The following LGSN variants were observed in gnomAD, a reference collection of about 807,000 sequenced individuals.
LGSN encodes the protein lengsin, lens protein with glutamine synthetase domain, also known as lengsin.
LGSN carries 21 observed loss-of-function variants against 19.5 expected under a neutral mutation model. The observed-to-expected ratio is 1.07, with a 90% confidence interval of 0.76 to 1.55. The LOEUF (loss-of-function observed/expected upper bound fraction) is 1.55. Ranked by LOEUF, LGSN falls within the 40% of genes most tolerant of loss-of-function variation. The pLI is 0.00. For synonymous variants in LGSN, 257 were observed against 215.6 expected, an observed-to-expected ratio of 1.19 and a Z score of -1.68; for missense variants, 673 against 608.5, an observed-to-expected ratio of 1.11 and a Z score of -1.12.
At chr6:63,412,756 AAAGAAAGAAAGAAAGG>A in the LGSN span, among the ~76,000 whole-genome samples, 21,737 of 78,132 alleles carry the variant, frequency 0.28, 3,233 homozygotes, top group South Asian at 0.36. Context: ...AGAAAGAAAG[AAAGAAAGAAAGAAAGG>A]AAGGAAGGGA....
At chr6:63,294,831 TG>T in intron 2 of LGSN, 81 bp downstream of exon 2, 1 of 1,375,440 alleles carries the variant, frequency 7.3e-7, no homozygotes, top group Non-Finnish European at 1.0e-6. Context: ...AAAAAAGAAA[TG>T]AAGATGTTTT....
the LGSN span, among the ~76,000 whole-genome samples, chr6:63,435,512 C>T: frequency 1.3e-5 from 2 of 152,120 alleles, no homozygotes; most frequent in Non-Finnish European, 2.9e-5. Flanking sequence ...TCCACCTTTG[C>T]CCCTCACCCA....
At chr6:63,556,016 C>G in the LGSN span, among the ~76,000 whole-genome samples, 11 of 151,896 alleles carry the variant, frequency 7.2e-5, no homozygotes, top group Admixed American at 1.3e-4. Context: ...TATTATTCAG[C>G]CTTTCTTTGG....
chr6:63,281,508 A>G (rs1300326139), intron 3 of LGSN, among the ~76,000 whole-genome samples: 2 of 151,946 alleles, frequency 1.3e-5, no homozygotes, highest in East Asian at 3.9e-4. Context: ...AATGAAAGGT[A>G]TAATGATAAA....
chr6:63,409,067 C>G, the LGSN span, among the ~76,000 whole-genome samples: 1 of 152,136 alleles, frequency 6.6e-6, no homozygotes, highest in East Asian at 1.9e-4. Context: ...CACACCATCA[C>G]GCCCAGCTAC....
the LGSN span, among the ~76,000 whole-genome samples, chr6:63,364,235 T>C: frequency 6.6e-6 from 1 of 150,960 alleles, no homozygotes; most frequent in African/African-American, 2.5e-5. Flanking sequence ...TGGAGGAAGA[T>C]CTACCAAGCA....
chr6:63,285,644 T>C lies in LGSN; in HGVS notation c.273A>G (p.Glu91=). Residue 91 remains glutamate, a synonymous_variant, in exon 3 of 4, where the codon GAA becomes GAG. Coordinates refer to ENST00000370657, the MANE Select transcript of LGSN (RefSeq NM_016571.3). ...TGGACACGCCGTGGAGGTCTGTTGC[T>C]TCAAATCGTACAAACTGGAGGCGAT... The part of the protein sequence containing the change: ...AKNRLQFVRF[E]ATDLHGVSRS... 6.2e-7 allele frequency: 1 copy of C among 1,614,134 alleles called. No homozygotes were observed. The highest frequency in any genetic ancestry group is 8.5e-7 in the Non-Finnish European group (1 of 1,180,008).
At chr6:63,345,373 A>C in the LGSN span, among the ~76,000 whole-genome samples, 1 of 152,364 alleles carries the variant, frequency 6.6e-6, no homozygotes, top group Non-Finnish European at 1.5e-5. Flanking sequence ...TGGGAATAAC[A>C]GAAAATCTAA....
At chr6:63,475,410 C>A in the LGSN span, among the ~76,000 whole-genome samples, 2 of 150,244 alleles carry the variant, frequency 1.3e-5, no homozygotes, top group African/African-American at 4.9e-5. Context: ...ACCAACCCAA[C>A]ATGGTATGTT....
At chr6:63,326,318 T>G in the LGSN span, among the ~76,000 whole-genome samples, 2 of 151,646 alleles carry the variant, frequency 1.3e-5, no homozygotes, top group Non-Finnish European at 2.9e-5. Context: ...ATTGGTATAT[T>G]TACAATCCCT....
the LGSN span, among the ~76,000 whole-genome samples, chr6:63,384,007 T>C: frequency 2.6e-5 from 4 of 152,230 alleles, no homozygotes; most frequent in East Asian, 7.7e-4. Flanking sequence ...ATCCTAGATG[T>C]CTGCTTTCAG....
At chr6:63,321,383 C>T (rs1769077583), upstream of LGSN, among the ~76,000 whole-genome samples, 1 of 152,154 alleles carries the variant, frequency 6.6e-6, no homozygotes, top group Non-Finnish European at 1.5e-5. Context: ...GAACTCCAAG[C>T]TGGTTTACAT....
the LGSN span, among the ~76,000 whole-genome samples, chr6:63,432,152 A>G: frequency 3.0e-4 from 36 of 119,864 alleles, no homozygotes; most frequent in East Asian, 4.9e-4. Context: ...AAAGAAAGAA[A>G]GAAAGAAAGA....
At chr6:63,566,935 CAGT>C in the LGSN span, among the ~76,000 whole-genome samples, 1 of 152,206 alleles carries the variant, frequency 6.6e-6, no homozygotes, top group African/African-American at 2.4e-5. Flanking sequence ...TCTTCACCAG[CAGT>C]AGATTCTATC....
the LGSN span, chr6:63,572,185 C>A: frequency 4.5e-5 from 7 of 154,776 alleles, no homozygotes; most frequent in African/African-American, 1.7e-4. Context: ...TGATTCCTTC[C>A]AGTCGATAAA....
chr6:63,352,682 G>C, the LGSN span, among the ~76,000 whole-genome samples: 37 of 145,058 alleles, frequency 2.6e-4, no homozygotes, highest in African/African-American at 7.8e-4. Context: ...CACACACACA[G>C]ACACACACAC....
chr6:63,559,037 G>A, the LGSN span, among the ~76,000 whole-genome samples: 10 of 152,200 alleles, frequency 6.6e-5, no homozygotes, highest in Admixed American at 1.3e-4. Context: ...GTATGGAGGC[G>A]AGAAGGATAG....
chr6:63,482,954 G>A, the LGSN span, among the ~76,000 whole-genome samples: 1 of 152,140 alleles, frequency 6.6e-6, no homozygotes, highest in African/African-American at 2.4e-5. Context: ...GCCCACGTTG[G>A]CCTCCCAAAG....
At chr6:63,529,823 A>C in the LGSN span, among the ~76,000 whole-genome samples, 2 of 152,194 alleles carry the variant, frequency 1.3e-5, no homozygotes, top group African/African-American at 2.4e-5. Context: ...TACGTGCGTA[A>C]GAGGAATTGG....
Sources: gnomAD v4.1 joint callset for allele counts (sites outside exome capture counted in the v4.1 genomes callset) on GRCh38, gnomAD v4.1.1 for gene constraint, MANE v1.5 for transcripts, NCBI Gene and HGNC (gene_info 2026-07-23, HGNC 2026-07-21) for gene names.